Variants in TEX11 observed in about 807,000 individuals in gnomAD.
TEX11 encodes testis expressed 11.
TEX11 carries 7 observed loss-of-function variants against 84.4 expected under a neutral mutation model. That is an observed-to-expected ratio of 0.08 (90% CI 0.05 to 0.16). The LOEUF (loss-of-function observed/expected upper bound fraction) is 0.16. Among genes scored for constraint, TEX11 ranks in the 10% least tolerant of loss-of-function variants. TEX11 has a pLI of 1.00. For synonymous variants in TEX11, 264 were observed against 222.8 expected, an observed-to-expected ratio of 1.18 and a Z score of -1.64; for missense variants, 551 against 660.5, an observed-to-expected ratio of 0.83 and a Z score of 1.82.
chrX:70,800,992 T>A (rs1051444435), intron 9 of TEX11, among the ~76,000 whole-genome samples: 3 of 111,747 alleles, frequency 2.7e-5, no homozygotes, highest in African/African-American at 9.8e-5. Context: ...GGAAAACATT[T>A]TTTCTTATAC....
intron 9 of TEX11, among the ~76,000 whole-genome samples, chrX:70,783,546 T>C (rs1602125138): frequency 9.0e-6 from 1 of 111,315 alleles, no homozygotes; most frequent in East Asian, 2.8e-4. Flanking sequence ...AGCTGGATTT[T>C]TGAAAAGATC....
chrX:70,663,191 A>C (rs762172043), intron 16 of TEX11, among the ~76,000 whole-genome samples: 4 of 111,206 alleles, frequency 3.6e-5, no homozygotes, highest in Non-Finnish European at 5.7e-5. Flanking sequence ...TTAGTCAAAA[A>C]ATTCTTCTGA....
At chrX:70,604,546 G>A (rs1169939737) in intron 24 of TEX11, among the ~76,000 whole-genome samples, 1 of 111,471 alleles carries the variant, frequency 9.0e-6, no homozygotes, top group Admixed American at 9.6e-5. Flanking sequence ...GGGAAAAGAA[G>A]CGAAATAGTT....
chrX:70,813,689 T>C (rs2091270674), intron 8 of TEX11, among the ~76,000 whole-genome samples: 2 of 111,543 alleles, frequency 1.8e-5, no homozygotes, highest in Non-Finnish European at 1.9e-5. Context: ...TGATTGTATA[T>C]CTAGAAAACC....
rs763361603 is a variant in TEX11, at chrX:70,732,888, C to T, written c.844-7545G>A. Among the ~76,000 whole-genome samples the T allele has an allele frequency of 2.7e-5, 3 of 112,005 alleles. No individual in the cohort carries two copies. The Admixed American group carries it at 2.9e-4, about 11-fold the overall frequency. On this transcript the variant is annotated intron_variant, in intron 11 of 29. Transcript: ENST00000374333. ...AACAAAGCTGGAAGCATCACGCTAC[C>T]TGACTTCAAACTATACTACAAGGCT...
rs1174544389 is a variant in TEX11 at position 70,613,184 on chromosome X, C to T, written c.1752-2641G>A. On this transcript the variant is annotated intron_variant, in intron 20 of 29. Transcript: ENST00000374333. ...ATCATCCTCCCCCACCGTAGGAACA[C>T]CAAATTTAACCACTGTCTACATACA... is the stretch of plus-strand genomic sequence containing the variant. Among the ~76,000 whole-genome samples, 9 of 111,676 alleles carry T rather than the reference C, an allele frequency of 8.1e-5. No homozygotes were observed. The East Asian group carries it at 2.5e-3, about 32-fold the overall frequency.
At position 70,907,779 on chromosome X, in the gene TEX11, T is replaced by A. The variant is rs1394515151; in HGVS notation, c.11A>T (p.Asp4Val). Residue 4 changes from aspartate to valine, a missense_variant, in exon 2 of 30, where the codon GAT becomes GTT. By Grantham distance (152) the Asp-to-Val change is radical. Coordinates refer to ENST00000374333, the MANE Select transcript of TEX11 (RefSeq NM_031276.3). ...TTTAAAGTCCATGGAAAAAAAATCA[T>A]CATTGTCCATTTTTAAATCTCTGGC... is the stretch of plus-strand genomic sequence containing the variant. The part of the protein sequence containing the change: MDN[D>V]DFFSMDFKEV... 8.4e-7 allele frequency: 1 copy of A among 1,184,058 alleles called. No individual in the cohort carries two copies. Among genetic ancestry groups the A allele is most frequent in the South Asian group, 1.8e-5 (1 of 56,297 alleles).
intron 27 of TEX11, 46 bp downstream of exon 27, chrX:70,553,260 C>CTA (rs770208193): frequency 1.1e-6 from 1 of 907,052 alleles, no homozygotes; most frequent in East Asian, 3.2e-5. Flanking sequence ...GAGGCATTGA[C>CTA]TATAGTTCTT....
At chrX:70,736,012 A>G (rs759020605) in intron 11 of TEX11, among the ~76,000 whole-genome samples, 2 of 111,547 alleles carry the variant, frequency 1.8e-5, no homozygotes, top group South Asian at 7.6e-4. Flanking sequence ...TGGTTAATAG[A>G]CAACAGATAT....
At chrX:70,812,648 G>A (rs1043193420) in intron 8 of TEX11, among the ~76,000 whole-genome samples, 4 of 111,164 alleles carry the variant, frequency 3.6e-5, no homozygotes, top group African/African-American at 1.3e-4. Context: ...AAAAATTAAT[G>A]AATCCAGGAG....
At chrX:70,568,276 T>C (rs1035577259) in intron 25 of TEX11, among the ~76,000 whole-genome samples, 34 of 110,956 alleles carry the variant, frequency 3.1e-4, no homozygotes, top group Non-Finnish European at 1.1e-4. Context: ...TCCTCCATCC[T>C]TTTATTTTGA....
intron 17 of TEX11, among the ~76,000 whole-genome samples, chrX:70,641,278 G>A (rs1455341794): frequency 9.0e-6 from 1 of 111,321 alleles, no homozygotes; most frequent in Non-Finnish European, 1.9e-5. Context: ...CAAGTCCTGA[G>A]TGACCTACAA....
At chrX:70,554,833 T>G in intron 25 of TEX11, 33 bp from the exon 26 acceptor site, 5 of 1,156,439 alleles carry the variant, frequency 4.3e-6, no homozygotes, top group Non-Finnish European at 5.8e-6. Flanking sequence ...ACATTCTTTG[T>G]GATTATATTA....
Position 70,579,210 on chromosome X carries a change from C to T in TEX11, c.2140+12541G>A, listed in dbSNP as rs758894774. 2.0e-4 allele frequency among the ~76,000 whole-genome samples: 22 copies of T among 109,156 alleles called. No homozygotes were observed. The East Asian group carries it at 2.3e-3, about 12-fold the overall frequency. 94.8% of individuals were successfully genotyped at this position (109,156 alleles called of 115,157 possible). A position where few individuals can be genotyped will look rare whatever the true frequency, so the allele number is the denominator to read the frequency against. On this transcript the variant is annotated intron_variant, in intron 25 of 29. Transcript: ENST00000374333. ...TCTTGTTTAAATCAAGAAACTGGGC[C>T]GGGCGCGGTGGCTCACACCTGTAAT... is the stretch of plus-strand genomic sequence containing the variant.
At chrX:70,564,966 T>C (rs1382013967) in intron 25 of TEX11, among the ~76,000 whole-genome samples, 2 of 108,616 alleles carry the variant, frequency 1.8e-5, no homozygotes, top group Admixed American at 2.0e-4. Flanking sequence ...TCTAGATCCC[T>C]GAGGAATTGC....
chrX:70,543,203 A>G (rs2088071506), intron 28 of TEX11, among the ~76,000 whole-genome samples: 1 of 111,808 alleles, frequency 8.9e-6, no homozygotes, highest in Admixed American at 9.4e-5. Flanking sequence ...TAAATAAAAA[A>G]TAAATAAATA....
chrX:70,624,077 A>C, intron 19 of TEX11, 71 bp from the exon 20 acceptor site: 1 of 855,442 alleles, frequency 1.2e-6, no homozygotes, highest in Non-Finnish European at 1.7e-6. Context: ...ATACATACCA[A>C]GTTACTAACC....
chrX:70,862,143 C>T (rs1430337913), intron 4 of TEX11, among the ~76,000 whole-genome samples: 1 of 111,241 alleles, frequency 9.0e-6, no homozygotes, highest in African/African-American at 3.3e-5. Context: ...AGGTGTGAGC[C>T]ACCACACCTG....
At chrX:70,722,887 C>G (rs1200952427) in intron 12 of TEX11, among the ~76,000 whole-genome samples, 191 bp from the exon 13 acceptor site, 1 of 111,900 alleles carries the variant, frequency 8.9e-6, no homozygotes, top group Non-Finnish European at 1.9e-5. Flanking sequence ...GACACAAGCA[C>G]TCTTGCACAG....
Sources: allele counts gnomAD v4.1 joint callset (sites outside exome capture counted in the v4.1 genomes callset), GRCh38; gene constraint gnomAD v4.1.1; transcripts MANE v1.5; gene names NCBI Gene and HGNC (gene_info 2026-07-23, HGNC 2026-07-21).